The following CNTN6 variants were observed in gnomAD, a reference collection of about 807,000 sequenced individuals.
CNTN6 encodes the protein contactin-6.
CNTN6 carries 137 observed loss-of-function variants against 122.8 expected under a neutral mutation model. That is an observed-to-expected ratio of 1.12 (90% CI 0.97 to 1.29). CNTN6 has a LOEUF of 1.29. CNTN6 is among the 50% of genes most tolerant of loss of function. The pLI is 0.00. For missense variants in CNTN6, 1,634 were observed against 1,223.4 expected, an observed-to-expected ratio of 1.34 and a Z score of -5.01; for synonymous variants, 570 against 426.0, an observed-to-expected ratio of 1.34 and a Z score of -4.16.
At position 1,146,049 on chromosome 3, in the gene CNTN6, C is replaced by T. The variant is rs990173707; in HGVS notation, c.-82-1878C>T. On this transcript the variant is annotated intron_variant, in intron 1 of 22. Coordinates refer to ENST00000446702, the MANE Select transcript of CNTN6 (RefSeq NM_001289080.2). ...TCAAAGCCACTACTCTATTTAAAAC[C>T]TTCATTATTCCTTTCTTGTACTACA... 5.3e-5 allele frequency among the ~76,000 whole-genome samples: 8 copies of T among 151,910 alleles called. No individual in the cohort carries two copies. In the South Asian group the frequency reaches 1.5e-3, roughly 28 times the overall value.
chr3:1,283,632 A>C (rs916925685), intron 5 of CNTN6, among the ~76,000 whole-genome samples: 7 of 151,588 alleles, frequency 4.6e-5, no homozygotes, highest in South Asian at 2.1e-4. Context: ...CAATAATTAA[A>C]CCCCCCCTTC....
chr3:1,181,432 G>A (rs1328581763), intron 2 of CNTN6, among the ~76,000 whole-genome samples: 2 of 152,082 alleles, frequency 1.3e-5, no homozygotes, highest in Non-Finnish European at 2.9e-5. Context: ...AAATCTTAGG[G>A]GTTTTTTTGT....
intron 4 of CNTN6, among the ~76,000 whole-genome samples, chr3:1,233,321 G>A (rs1559561741): frequency 1.3e-5 from 2 of 152,164 alleles, no homozygotes; most frequent in South Asian, 4.1e-4. Context: ...GTTGAAGATG[G>A]TGAGCTAGGC....
chr3:1,114,908 G>A (rs568328019), intron 1 of CNTN6, among the ~76,000 whole-genome samples: 2 of 152,246 alleles, frequency 1.3e-5, no homozygotes, highest in Admixed American at 6.5e-5. Context: ...CCCCTAGAAG[G>A]CTCAGAAGCT....
intron 4 of CNTN6, among the ~76,000 whole-genome samples, chr3:1,236,917 A>G (rs146248011): frequency 0.011 from 1,605 of 152,016 alleles, 33 homozygotes; most frequent in African/African-American, 0.036. Flanking sequence ...TGTCTCTACT[A>G]AAAAATACAT....
At chr3:1,093,892 A>G (rs376036211) in intron 1 of CNTN6, among the ~76,000 whole-genome samples, 37 of 152,118 alleles carry the variant, frequency 2.4e-4, no homozygotes, top group African/African-American at 8.7e-4. Context: ...GTTTGGGGGG[A>G]AAATTGGAAT....
intron 1 of CNTN6, among the ~76,000 whole-genome samples, chr3:1,130,015 A>C (rs991474812): frequency 3.3e-5 from 5 of 152,094 alleles, no homozygotes; most frequent in African/African-American, 4.8e-5. Context: ...TTAAAAAGCA[A>C]ATCTTTAATT....
chr3:1,382,457 T>C (rs1377487458), intron 17 of CNTN6, among the ~76,000 whole-genome samples: 1 of 152,234 alleles, frequency 6.6e-6, no homozygotes, highest in Non-Finnish European at 1.5e-5. Context: ...TTTTATACTT[T>C]TTTAAAGAAA....
intron 1 of CNTN6, among the ~76,000 whole-genome samples, chr3:1,104,758 CGT>C (rs1449413809): frequency 2.0e-5 from 3 of 151,732 alleles, no homozygotes; most frequent in Non-Finnish European, 4.4e-5. Flanking sequence ...TACGTGTGTG[CGT>C]GTGTGTGCAT....
chr3:1,174,475 C>A (rs1409086606), intron 2 of CNTN6, among the ~76,000 whole-genome samples: 1 of 152,196 alleles, frequency 6.6e-6, no homozygotes, highest in East Asian at 1.9e-4. Context: ...TTTCTTATCA[C>A]AAATGTTCTC....
Position 1,265,854 on chromosome 3 carries a change from A to G in CNTN6, c.359-12559A>G, listed in dbSNP as rs567474395. On this transcript the variant is annotated intron_variant, in intron 4 of 22. Transcript: ENST00000446702. Reference sequence around the variant, plus strand: ...TTTGTGTTTTTTGAAATATCAATGTACTGTCTGTACTATGTTTTATTTTTC... The same window carrying G: ...TTTGTGTTTTTTGAAATATCAATGTGCTGTCTGTACTATGTTTTATTTTTC... Among the ~76,000 whole-genome samples, 31 of 152,196 alleles carry G rather than the reference A, an allele frequency of 2.0e-4. No individual in the cohort carries two copies. The Middle Eastern group carries it at 0.01, about 50-fold the overall frequency.
chr3:1,158,840 A>G (rs1315754968), intron 2 of CNTN6, among the ~76,000 whole-genome samples: 14,733 of 80,542 alleles, frequency 0.18, 1,430 homozygotes, highest in African/African-American at 0.38. Flanking sequence ...ATACACACAC[A>G]TATATATACA....
chr3:1,211,319 A>C (rs566939636), intron 2 of CNTN6, among the ~76,000 whole-genome samples: 7 of 152,310 alleles, frequency 4.6e-5, no homozygotes, highest in Non-Finnish European at 8.8e-5. Flanking sequence ...AACCAAAAAT[A>C]ATATGACTTT....
At chr3:1,243,290 G>T (rs2125619069) in intron 4 of CNTN6, among the ~76,000 whole-genome samples, 1 of 152,328 alleles carries the variant, frequency 6.6e-6, no homozygotes, top group East Asian at 1.9e-4. Context: ...TGGGGAAGGA[G>T]GTTCTGGGGG....
chr3:1,381,839 T>C (rs532422324), intron 17 of CNTN6, among the ~76,000 whole-genome samples: 4 of 152,320 alleles, frequency 2.6e-5, no homozygotes, highest in Non-Finnish European at 5.9e-5. Context: ...ATGCAAACTC[T>C]GTGAGAGGAA....
rs553684469 is a variant in CNTN6, at chr3:1,393,454, G to A, written c.2704+7657G>A. Reference sequence around the variant, plus strand: ...GATAGCATTGGGAGATATACCTAATGCTAGATGACGAGTTAGTGGGTGCAG... The same window carrying A: ...GATAGCATTGGGAGATATACCTAATACTAGATGACGAGTTAGTGGGTGCAG... On this transcript the variant is annotated intron_variant, in intron 20 of 22. Transcript: ENST00000446702. Among the ~76,000 whole-genome samples, 24 of 142,614 alleles carry A rather than the reference G, an allele frequency of 1.7e-4. 1 individual carries two copies. The highest frequency in any genetic ancestry group is 3.4e-4 in the Non-Finnish European group (22 of 65,586). The allele number at this position is 142,614 out of a possible 152,430, so 93.6% of individuals were successfully genotyped here. A position where few individuals can be genotyped will look rare whatever the true frequency, so the allele number is the denominator to read the frequency against.
intron 2 of CNTN6, among the ~76,000 whole-genome samples, chr3:1,212,589 A>C (rs1198432457): frequency 6.6e-6 from 1 of 151,760 alleles, no homozygotes; most frequent in African/African-American, 2.4e-5. Flanking sequence ...ATGTGTCTTC[A>C]ATACAATTAC....
At chr3:1,249,209 A>G (rs1308897078) in intron 4 of CNTN6, among the ~76,000 whole-genome samples, 1 of 151,444 alleles carries the variant, frequency 6.6e-6, no homozygotes, top group Non-Finnish European at 1.5e-5. Flanking sequence ...ATTATGATGT[A>G]AAGAAATCTT....
intron 2 of CNTN6, among the ~76,000 whole-genome samples, chr3:1,195,370 C>T (rs923638879): frequency 6.6e-6 from 1 of 152,050 alleles, no homozygotes; most frequent in African/African-American, 2.4e-5. Flanking sequence ...TTCTTGGGTT[C>T]ATGATACCTG....
Sources: gnomAD v4.1 joint callset for allele counts (sites outside exome capture counted in the v4.1 genomes callset) on GRCh38, gnomAD v4.1.1 for gene constraint, MANE v1.5 for transcripts, NCBI Gene and HGNC (gene_info 2026-07-23, HGNC 2026-07-21) for gene names.